The following ZFYVE28 variants were observed in gnomAD, a reference collection of about 807,000 sequenced individuals.
ZFYVE28 encodes the protein lateral signaling target protein 2 homolog.
In ZFYVE28, 40 loss-of-function variants were observed where a neutral mutation model predicts 82.1. The observed-to-expected ratio is 0.49, with a 90% CI of 0.38 to 0.63. The LOEUF (loss-of-function observed/expected upper bound fraction) is 0.63, where lower values mean the gene tolerates loss of function less well. Among genes scored for constraint, ZFYVE28 ranks in the 30% least tolerant of loss-of-function variants. ZFYVE28 has a pLI of 0.00. For missense variants in ZFYVE28, 1,321 were observed against 1,242.1 expected (o/e 1.06, Z -0.96); for synonymous variants, 612 against 546.1 (o/e 1.12, Z -1.68).
intron 8 of ZFYVE28, among the ~76,000 whole-genome samples, chr4:2,288,375 G>A (rs1302676814): frequency 6.6e-6 from 1 of 152,254 alleles, no homozygotes; most frequent in Non-Finnish European, 1.5e-5. Flanking sequence ...GCAGTGAGGG[G>A]GTGGGCCAGG....
intron 6 of ZFYVE28, among the ~76,000 whole-genome samples, chr4:2,331,375 C>T (rs1720682437): frequency 1.3e-5 from 2 of 152,012 alleles, no homozygotes; most frequent in Non-Finnish European, 2.9e-5. Flanking sequence ...GGCACGGTAC[C>T]TCATGCCTGT....
rs1457437452 is a variant in ZFYVE28 at position 2,417,077 on chromosome 4, C to T, written c.39+1208G>A. Among the ~76,000 whole-genome samples the T allele has an allele frequency of 2.0e-5, 3 of 152,174 alleles. No individual in the cohort carries two copies. In the East Asian group the frequency reaches 5.8e-4, roughly 29 times the overall value. On this transcript the variant is annotated intron_variant, in intron 1 of 12. Transcript: ENST00000290974. This position sits in a 1 kb window ranked among gnomAD's most constrained non-coding sequence, Gnocchi z 4.8. ...CCACGGTGGAGGCGGAGGCCTGGGA[C>T]GCTGGACGGAGAAAGGCGGCCAGTG...
At position 2,307,741 on chromosome 4, in the gene ZFYVE28, G is replaced by A. The variant is rs145294611; in HGVS notation, c.804-2205C>T. Among the ~76,000 whole-genome samples the A allele has an allele frequency of 7.4e-3, 1,119 of 152,230 alleles. 18 individuals carry two copies. The highest frequency in any genetic ancestry group is 0.025 in the African/African-American group (1,037 of 41,536). Reference sequence around the variant, plus strand: ...ACTCCTGGCCTCAAGTGATCCTCCCGCCTTGGCCTCCCAAAGTGCTGGGAT... The same window carrying A: ...ACTCCTGGCCTCAAGTGATCCTCCCACCTTGGCCTCCCAAAGTGCTGGGAT... On this transcript the variant is annotated intron_variant, in intron 7 of 12. Transcript: ENST00000290974.
At chr4:2,388,812 C>A (rs529621670) in intron 1 of ZFYVE28, among the ~76,000 whole-genome samples, 2 of 152,282 alleles carry the variant, frequency 1.3e-5, no homozygotes, top group African/African-American at 4.8e-5. Context: ...CCAGACCACC[C>A]AGACCCCTCC....
chr4:2,414,757 G>C (rs941553964), intron 1 of ZFYVE28, among the ~76,000 whole-genome samples: 3 of 152,150 alleles, frequency 2.0e-5, no homozygotes, highest in Non-Finnish European at 4.4e-5. Flanking sequence ...CCCATGCCGG[G>C]AATTCTCACC....
chr4:2,343,729 C>T (rs1723136648), intron 2 of ZFYVE28, among the ~76,000 whole-genome samples: 1 of 151,886 alleles, frequency 6.6e-6, no homozygotes, highest in African/African-American at 2.4e-5. Flanking sequence ...CACAGCTTGC[C>T]CAAGGCTGAG....
At chr4:2,399,858 G>A (rs1278694919) in intron 1 of ZFYVE28, among the ~76,000 whole-genome samples, 1 of 152,240 alleles carries the variant, frequency 6.6e-6, no homozygotes, top group Non-Finnish European at 1.5e-5. Flanking sequence ...GCCACATGGG[G>A]TTGCATGCCC....
At chr4:2,283,100 T>TCATCCATC (rs60881791) in intron 8 of ZFYVE28, among the ~76,000 whole-genome samples, 4 of 148,134 alleles carry the variant, frequency 2.7e-5, no homozygotes, top group African/African-American at 5.0e-5. Flanking sequence ...CTTGTAAAAG[T>TCATCCATC]CATCCATCCA....
chr4:2,283,344 T>TATCCATCC (rs145125230), intron 8 of ZFYVE28, among the ~76,000 whole-genome samples: 1,862 of 120,258 alleles, frequency 0.015, 85 homozygotes, highest in African/African-American at 0.066. Flanking sequence ...CCCATCCATT[T>TATCCATCC]ATCCATCCAT....
At chr4:2,371,878 C>T (rs1396611066) in intron 1 of ZFYVE28, among the ~76,000 whole-genome samples, 1 of 151,102 alleles carries the variant, frequency 6.6e-6, no homozygotes, top group African/African-American at 2.4e-5. Context: ...AAGCCGGCCT[C>T]GGCGGCAACA....
At chr4:2,293,453 A>G (rs1259076512) in intron 8 of ZFYVE28, among the ~76,000 whole-genome samples, 1 of 151,702 alleles carries the variant, frequency 6.6e-6, no homozygotes, top group Non-Finnish European at 1.5e-5. Flanking sequence ...AATCTGGAAG[A>G]TTAATCTTCT....
chr4:2,359,996 C>G (rs933245508), intron 1 of ZFYVE28, among the ~76,000 whole-genome samples: 11 of 152,194 alleles, frequency 7.2e-5, no homozygotes, highest in African/African-American at 2.2e-4. Flanking sequence ...AGCCTCGGAG[C>G]CTTTACCCAC....
At chr4:2,277,809 C>T (rs924985817) in intron 8 of ZFYVE28, among the ~76,000 whole-genome samples, 1 of 152,078 alleles carries the variant, frequency 6.6e-6, no homozygotes, top group African/African-American at 2.4e-5. Flanking sequence ...TGCCAACTGC[C>T]TTTTTTTCTT....
chr4:2,287,457 C>A (rs749333798), intron 8 of ZFYVE28: 1 of 152,276 alleles, frequency 6.6e-6, no homozygotes, highest in African/African-American at 2.4e-5. Context: ...ATGGGCTGAA[C>A]GAATCCTGGC....
At position 2,305,120 on chromosome 4, in the gene ZFYVE28, TCCA is replaced by T; in HGVS notation, c.1217_1219del (p.Val406del). 1 of 1,593,334 alleles carries T rather than the reference TCCA, an allele frequency of 6.3e-7. No homozygotes were observed. The highest frequency in any genetic ancestry group is 1.7e-5 in the Admixed American group (1 of 58,950). ...CCTGGCCAGGGCTTCTGCCGTCCCC[TCCA>T]CGTCATCCATGAAGAACACGCGCTC... On this transcript the variant is annotated inframe_deletion, in exon 8 of 13. Coordinates refer to ENST00000290974, the MANE Select transcript of ZFYVE28 (RefSeq NM_020972.3).
At chr4:2,375,696 T>C (rs1728055680) in intron 1 of ZFYVE28, among the ~76,000 whole-genome samples, 1 of 151,924 alleles carries the variant, frequency 6.6e-6, no homozygotes, top group African/African-American at 2.4e-5. Flanking sequence ...CCACCTCTTA[T>C]CACAGGCTGA....
In ZFYVE28 at chr4:2,304,706, A is replaced by G. The variant is rs1560172155; in HGVS notation, c.1634T>C (p.Met545Thr). ...GCTAAGCTTGTGGGGGCCGCCATCC[A>G]TCCCCTCGGCCACGGGCTCCGAGGC... ...EAASEPVAEG[M>T]DGGPHKLSTG... Residue 545 changes from methionine to threonine, a missense_variant, in exon 8 of 13, where the codon ATG becomes ACG. Physicochemically the swap from Met to Thr is moderately conservative, Grantham distance 81. Around this residue, in one of 2 missense-constraint regions of ZFYVE28, gnomAD observed 978 missense variants for 833.7 expected, o/e 1.17. Transcript: ENST00000290974. The G allele has an allele frequency of 6.2e-7, 1 of 1,612,622 alleles. No homozygotes were observed. The highest frequency in any genetic ancestry group is 8.5e-7 in the Non-Finnish European group (1 of 1,179,896).
intron 6 of ZFYVE28, among the ~76,000 whole-genome samples, chr4:2,327,306 A>ATC (rs1720031309): frequency 1.5e-5 from 1 of 64,984 alleles, no homozygotes; most frequent in South Asian, 5.0e-4. Flanking sequence ...ATATATATAT[A>ATC]TATCGAATAA....
Position 2,326,719 on chromosome 4 carries a change from T to C in ZFYVE28, c.702-6448A>G, listed in dbSNP as rs115596733. ...TTGAATTGATTTCATTGATGTTTTA[T>C]AGTTTTCTGTGTACAGGTTTTTCAC... On this transcript the variant is annotated intron_variant, in intron 6 of 12. Coordinates refer to ENST00000290974, the MANE Select transcript of ZFYVE28 (RefSeq NM_020972.3). Among the ~76,000 whole-genome samples the C allele has an allele frequency of 5.0e-3, 762 of 152,334 alleles. 4 individuals are homozygous for C. The highest frequency in any genetic ancestry group is 0.015 in the African/African-American group (626 of 41,578).
Sources: gnomAD v4.1 joint callset for allele counts (sites outside exome capture counted in the v4.1 genomes callset) on GRCh38, gnomAD v4.1.1 for gene constraint, gnomAD v4.1.1 regional missense constraint, Gnocchi (gnomAD v3.1) non-coding constraint, MANE v1.5 for transcripts, NCBI Gene and HGNC (gene_info 2026-07-23, HGNC 2026-07-21) for gene names.